Variants in SUPT3H observed in about 807,000 individuals in gnomAD.
The protein encoded by SUPT3H is transcription initiation protein SPT3 homolog.
In SUPT3H, 44 loss-of-function variants were observed where a neutral mutation model predicts 44.3. The ratio of observed to expected loss-of-function variants is 0.99; its 90% CI spans 0.78 to 1.28. The LOEUF is 1.28. Among genes scored for constraint, SUPT3H ranks in the 50% most tolerant of loss-of-function variants. The probability of loss-of-function intolerance (pLI) is 0.00; values close to 1 mark genes in which losing one functional copy is unlikely to be tolerated. For synonymous variants in SUPT3H, 124 were observed against 125.6 expected (o/e 0.99, Z 0.09); for missense variants, 380 against 387.1 (o/e 0.98, Z 0.15).
At chr6:45,126,364 T>C (rs1802427601) in intron 2 of SUPT3H, among the ~76,000 whole-genome samples, 1 of 152,236 alleles carries the variant, frequency 6.6e-6, no homozygotes, top group African/African-American at 2.4e-5. Context: ...TTTAAGGTTT[T>C]AGATGGTTTC....
At chr6:45,311,451 A>G (rs964133825) in intron 2 of SUPT3H, among the ~76,000 whole-genome samples, 1 of 152,194 alleles carries the variant, frequency 6.6e-6, no homozygotes, top group Non-Finnish European at 1.5e-5. Context: ...CAAATACAAG[A>G]AGCACAAAAA....
At chr6:44,823,667 A>C (rs1006568897), downstream of SUPT3H, among the ~76,000 whole-genome samples, 4 of 152,130 alleles carry the variant, frequency 2.6e-5, no homozygotes, top group Non-Finnish European at 5.9e-5. Flanking sequence ...GCAAGCTATA[A>C]AACTGCTTGG....
chr6:45,098,717 T>C, intron 3 of SUPT3H: 1 of 401,492 alleles, frequency 2.5e-6, no homozygotes, highest in South Asian at 2.0e-5. Flanking sequence ...CATATGTTGG[T>C]AGTCTGGATA....
chr6:45,129,661 C>A (rs1334347178), intron 2 of SUPT3H, among the ~76,000 whole-genome samples: 1 of 152,012 alleles, frequency 6.6e-6, no homozygotes, highest in Non-Finnish European at 1.5e-5. Context: ...ATATTTATTA[C>A]TATTTTAATA....
intron 3 of SUPT3H, among the ~76,000 whole-genome samples, chr6:45,074,418 C>T (rs563863643): frequency 6.6e-6 from 1 of 151,982 alleles, no homozygotes; most frequent in South Asian, 2.1e-4. Flanking sequence ...TGAATAGACA[C>T]ACCACAAAGT....
chr6:45,120,953 T>C (rs951205033), intron 2 of SUPT3H, among the ~76,000 whole-genome samples: 1 of 152,144 alleles, frequency 6.6e-6, no homozygotes, highest in Non-Finnish European at 1.5e-5. Flanking sequence ...ATAATAAGTA[T>C]AGGTTAACTT....
chr6:45,003,079 T>C (rs142223651), intron 6 of SUPT3H, among the ~76,000 whole-genome samples: 4 of 152,260 alleles, frequency 2.6e-5, no homozygotes, highest in Non-Finnish European at 5.9e-5. Flanking sequence ...ATTTTATGTA[T>C]AGATAGCTAA....
chr6:45,137,261 T>A (rs1396640571), intron 2 of SUPT3H, among the ~76,000 whole-genome samples: 2 of 152,004 alleles, frequency 1.3e-5, no homozygotes, highest in African/African-American at 4.8e-5. Flanking sequence ...CTAAGACAAG[T>A]CCTTCATTTT....
At chr6:44,860,198 G>A (rs112894482) in intron 10 of SUPT3H, among the ~76,000 whole-genome samples, 68 of 152,294 alleles carry the variant, frequency 4.5e-4, no homozygotes, top group African/African-American at 1.6e-3. Context: ...CCCAGACTGT[G>A]AATATAGTTG....
chr6:44,914,096 TA>T (rs1562034261), intron 10 of SUPT3H, among the ~76,000 whole-genome samples: 1 of 152,184 alleles, frequency 6.6e-6, no homozygotes, highest in Non-Finnish European at 1.5e-5. Flanking sequence ...TACATTTTTT[TA>T]AAAAATTGCT....
intron 2 of SUPT3H, among the ~76,000 whole-genome samples, chr6:45,156,271 C>T (rs951376671): frequency 1.3e-5 from 2 of 152,172 alleles, no homozygotes; most frequent in Non-Finnish European, 2.9e-5. Context: ...CAGAATACAG[C>T]CACCTGGTTT....
At chr6:44,943,555 C>T (rs1046198562) in intron 9 of SUPT3H, among the ~76,000 whole-genome samples, 6 of 151,982 alleles carry the variant, frequency 3.9e-5, no homozygotes, top group South Asian at 4.1e-4. Flanking sequence ...GGTGAATTTT[C>T]GGCAGGATAA....
intron 2 of SUPT3H, among the ~76,000 whole-genome samples, chr6:45,308,355 C>A (rs572375907): frequency 2.6e-4 from 40 of 152,260 alleles, no homozygotes; most frequent in African/African-American, 9.1e-4. Context: ...AGAAAAAGGT[C>A]GGGTTACCCA....
intron 2 of SUPT3H, among the ~76,000 whole-genome samples, chr6:45,214,015 C>CGA (rs1554288434): frequency 1.1e-4 from 8 of 74,108 alleles, no homozygotes; most frequent in African/African-American, 4.3e-4. Flanking sequence ...TTTTGAAATG[C>CGA]AAAAAAAAAA....
chr6:45,294,733 CAAAAAAAAAAAAAAA>C (rs56281990), intron 2 of SUPT3H, among the ~76,000 whole-genome samples: 16 of 36,202 alleles, frequency 4.4e-4, no homozygotes, highest in African/African-American at 1.5e-3. Context: ...ACAATAGCTG[CAAAAAAAAAAAAAAA>C]AAAAAAAAAA....
chr6:44,858,234 T>C (rs1169711447), intron 10 of SUPT3H, among the ~76,000 whole-genome samples: 3 of 152,274 alleles, frequency 2.0e-5, no homozygotes, highest in South Asian at 2.1e-4. Context: ...GCTTGCCAAA[T>C]AGTCAGAAGC....
chr6:45,247,337 G>A (rs12205379), intron 2 of SUPT3H, among the ~76,000 whole-genome samples: 34,549 of 152,058 alleles, frequency 0.23, 4,607 homozygotes, highest in Non-Finnish European at 0.31. Context: ...CCTTTGGGGT[G>A]TTCCCATGTA....
chr6:45,038,915 A>G (rs1788095256), intron 3 of SUPT3H, among the ~76,000 whole-genome samples: 1 of 152,168 alleles, frequency 6.6e-6, no homozygotes, highest in African/African-American at 2.4e-5. Flanking sequence ...TAGTTATTAA[A>G]ATCTTGGTAT....
downstream of SUPT3H, among the ~76,000 whole-genome samples, chr6:44,826,334 G>A (rs1015692127): frequency 1.3e-5 from 2 of 152,060 alleles, no homozygotes; most frequent in Non-Finnish European, 2.9e-5. Context: ...AGCATGTAAA[G>A]TTTCATCTTG....
Sources: gnomAD v4.1 joint callset for allele counts (sites outside exome capture counted in the v4.1 genomes callset) on GRCh38, gnomAD v4.1.1 for gene constraint, MANE v1.5 for transcripts, NCBI Gene and HGNC (gene_info 2026-07-23, HGNC 2026-07-21) for gene names.